Variants in LINGO2 observed in about 807,000 individuals in gnomAD.
LINGO2 encodes the protein leucine-rich repeat and immunoglobulin-like domain-containing nogo receptor-interacting protein 2.
A neutral mutation model predicts 30.6 loss-of-function variants in LINGO2; 14 were observed. The ratio of observed to expected loss-of-function variants is 0.46; its 90% confidence interval spans 0.30 to 0.72. The LOEUF (loss-of-function observed/expected upper bound fraction) is 0.72, where lower values mean the gene tolerates loss of function less well. LINGO2 is among the 30% of genes least tolerant of loss of function. LINGO2 has a pLI of 0.07. For synonymous variants in LINGO2, 317 were observed against 288.5 expected (o/e 1.10, Z -1.00); for missense variants, 729 against 751.7 (o/e 0.97, Z 0.35).
chr9:29,187,270 G>C, the LINGO2 span, among the ~76,000 whole-genome samples: 6 of 152,098 alleles, frequency 3.9e-5, no homozygotes, highest in Admixed American at 2.6e-4. Context: ...CACCCTGCTG[G>C]AGAACTGAGC....
chr9:28,303,429 G>A (rs944814378), intron 3 of LINGO2, among the ~76,000 whole-genome samples: 1 of 151,980 alleles, frequency 6.6e-6, no homozygotes, highest in African/African-American at 2.4e-5. Context: ...GTGACACAAA[G>A]GTTTTTTAAA....
chr9:28,528,841 T>C (rs1456254208), intron 1 of LINGO2, among the ~76,000 whole-genome samples: 1 of 152,110 alleles, frequency 6.6e-6, no homozygotes, highest in African/African-American at 2.4e-5. Flanking sequence ...TGTATATATA[T>C]TCAAATAAAA....
At position 28,028,883 on chromosome 9, in the gene LINGO2, G is replaced by A. The variant is rs866942911; in HGVS notation, c.-86-16478C>T. Among the ~76,000 whole-genome samples, 4 of 152,168 alleles carry A rather than the reference G, an allele frequency of 2.6e-5. No homozygotes were observed. The South Asian group carries it at 8.3e-4, about 32-fold the overall frequency. ...TACAGACACACACAAGCACACATTT[G>A]TAATCATCCAAATTTTACCTCTTCT... is the stretch of plus-strand genomic sequence containing the variant. On this transcript the variant is annotated intron_variant, in intron 4 of 5. Coordinates refer to ENST00000379992, the Ensembl canonical transcript of LINGO2.
At chr9:28,060,600 T>G (rs1825112957) in intron 4 of LINGO2, among the ~76,000 whole-genome samples, 1 of 152,156 alleles carries the variant, frequency 6.6e-6, no homozygotes, top group Non-Finnish European at 1.5e-5. Flanking sequence ...AACTAATTAT[T>G]ATTATACAAC....
the LINGO2 span, among the ~76,000 whole-genome samples, chr9:28,895,604 C>T: frequency 6.6e-6 from 1 of 152,044 alleles, no homozygotes; most frequent in Non-Finnish European, 1.5e-5. Context: ...AATTTATAAG[C>T]GCATACATAT....
chr9:28,349,821 C>T lies in LINGO2; in HGVS notation c.-246+23015G>A, dbSNP rs1238612768. On this transcript the variant is annotated intron_variant, in intron 3 of 5. Transcript: ENST00000379992. ...ATCTCTCGGCAGAAACCCTACAAGC[C>T]AGAAGAGACTGGGGGCCGATATTCA... 2.0e-5 allele frequency among the ~76,000 whole-genome samples: 3 copies of T among 152,000 alleles called. No homozygotes were observed. In the East Asian group the frequency reaches 5.8e-4, roughly 29 times the overall value.
the LINGO2 span, among the ~76,000 whole-genome samples, chr9:28,928,786 A>C: frequency 6.6e-6 from 1 of 152,068 alleles, no homozygotes; most frequent in Non-Finnish European, 1.5e-5. Context: ...CAATTCCCTC[A>C]CTAGATGAGG....
chr9:28,736,237 G>A, the LINGO2 span, among the ~76,000 whole-genome samples: 1 of 152,122 alleles, frequency 6.6e-6, no homozygotes, highest in South Asian at 2.1e-4. Context: ...AGAGGCCAAT[G>A]GACTCACCCT....
the LINGO2 span, among the ~76,000 whole-genome samples, chr9:28,817,218 G>T: frequency 6.9e-6 from 1 of 145,632 alleles, no homozygotes; most frequent in Non-Finnish European, 1.5e-5. Context: ...CCTGAGCTAT[G>T]TAAGGATTTG....
At chr9:28,857,219 T>A in the LINGO2 span, among the ~76,000 whole-genome samples, 1 of 151,968 alleles carries the variant, frequency 6.6e-6, no homozygotes, top group East Asian at 1.9e-4. Context: ...ACAGATAGAA[T>A]TTTCTAGAGA....
intron 4 of LINGO2, among the ~76,000 whole-genome samples, chr9:28,021,004 TTTTC>T (rs1375869293): frequency 3.9e-5 from 6 of 152,034 alleles, no homozygotes; most frequent in Non-Finnish European, 7.4e-5. Context: ...GTTTCATTTC[TTTTC>T]TTTGTTTTCT....
intron 4 of LINGO2, among the ~76,000 whole-genome samples, chr9:28,224,963 A>G (rs1821098249): frequency 6.6e-6 from 1 of 152,176 alleles, no homozygotes; most frequent in Non-Finnish European, 1.5e-5. Context: ...AAATAAAACC[A>G]CACATTTGCA....
At chr9:27,958,714 G>A (rs553221731) in intron 5 of LINGO2, among the ~76,000 whole-genome samples, 17 of 152,130 alleles carry the variant, frequency 1.1e-4, no homozygotes, top group Non-Finnish European at 5.9e-5. Flanking sequence ...GGGTTTGGTA[G>A]TATCTGCAGT....
chr9:28,687,002 A>C, the LINGO2 span, among the ~76,000 whole-genome samples: 2 of 152,036 alleles, frequency 1.3e-5, no homozygotes, highest in Non-Finnish European at 2.9e-5. Context: ...TACTACTTTT[A>C]CGGTACTTTT....
At chr9:28,642,009 C>T (rs1300208065) in intron 1 of LINGO2, among the ~76,000 whole-genome samples, 1 of 139,056 alleles carries the variant, frequency 7.2e-6, no homozygotes, top group Non-Finnish European at 1.5e-5. Context: ...ATTTATAATA[C>T]TCTGTTTTTT....
chr9:28,723,041 A>G, the LINGO2 span, among the ~76,000 whole-genome samples: 2 of 152,096 alleles, frequency 1.3e-5, no homozygotes, highest in Non-Finnish European at 2.9e-5. Flanking sequence ...GGCAAACTTG[A>G]GCATGATTCT....
At chr9:28,458,511 A>G (rs1824943111) in intron 2 of LINGO2, among the ~76,000 whole-genome samples, 1 of 152,160 alleles carries the variant, frequency 6.6e-6, no homozygotes, top group Admixed American at 6.6e-5. Flanking sequence ...CTGTTAATAT[A>G]CTTGCGTCTC....
At chr9:29,157,450 T>C in the LINGO2 span, among the ~76,000 whole-genome samples, 1 of 152,160 alleles carries the variant, frequency 6.6e-6, no homozygotes, top group Non-Finnish European at 1.5e-5. Flanking sequence ...TCCAACTTTA[T>C]AGTTACTTTT....
chr9:28,517,199 G>T (rs1373477042), intron 1 of LINGO2, among the ~76,000 whole-genome samples: 1 of 152,142 alleles, frequency 6.6e-6, no homozygotes, highest in African/African-American at 2.4e-5. Flanking sequence ...TATAAGTGGT[G>T]TGACTTAATC....
Sources: allele counts gnomAD v4.1 joint callset (sites outside exome capture counted in the v4.1 genomes callset), GRCh38; gene constraint gnomAD v4.1.1; transcripts MANE v1.5; gene names NCBI Gene and HGNC (gene_info 2026-07-23, HGNC 2026-07-21).